The following LPXN variants were observed in gnomAD, a reference collection of about 807,000 sequenced individuals.
LPXN encodes leupaxin.
Under a neutral mutation model 45.6 loss-of-function variants are expected in LPXN, and 28 were observed. The observed-to-expected ratio is 0.61, with a 90% CI of 0.45 to 0.84. The LOEUF (loss-of-function observed/expected upper bound fraction) is 0.84, where lower values mean the gene tolerates loss of function less well. Ranked by LOEUF, LPXN falls within the 40% of genes least tolerant of loss-of-function variation. The pLI is 0.00. For synonymous variants in LPXN, 166 were observed against 169.9 expected (o/e 0.98, Z 0.18); for missense variants, 459 against 475.0 (o/e 0.97, Z 0.31).
intron 3 of LPXN, among the ~76,000 whole-genome samples, chr11:58,561,183 T>C (rs1420939733): frequency 6.6e-6 from 1 of 152,160 alleles, no homozygotes; most frequent in East Asian, 1.9e-4. Flanking sequence ...TAAAAGTAAA[T>C]GTTCTGTCTT....
At chr11:58,571,660 TTTC>T (rs1422960740) in intron 1 of LPXN, among the ~76,000 whole-genome samples, 1 of 149,494 alleles carries the variant, frequency 6.7e-6, no homozygotes, top group African/African-American at 2.5e-5. Context: ...TTCAGTTTTT[TTTC>T]TTTTTTTTTT....
chr11:58,551,290 C>A, intron 4 of LPXN, 58 bp from the exon 5 acceptor site: 1 of 1,396,092 alleles, frequency 7.2e-7, no homozygotes, highest in Non-Finnish European at 9.6e-7. Context: ...TCATTGGCAT[C>A]TTCTAATGAC....
intron 3 of LPXN, among the ~76,000 whole-genome samples, chr11:58,558,756 A>G (rs1025676568): frequency 5.9e-5 from 9 of 151,834 alleles, no homozygotes; most frequent in Non-Finnish European, 1.2e-4. Context: ...TGGATCCCCA[A>G]CACACCAAAT....
chr11:58,576,114 T>C (rs7933979), upstream of LPXN, among the ~76,000 whole-genome samples: 1 of 152,114 alleles, frequency 6.6e-6, no homozygotes, highest in African/African-American at 2.4e-5. Context: ...TTCATGGGAA[T>C]GGCAGACTTA....
chr11:58,545,475 G>C (rs112239170), intron 7 of LPXN, among the ~76,000 whole-genome samples: 35 of 152,096 alleles, frequency 2.3e-4, no homozygotes, highest in Non-Finnish European at 4.7e-4. Flanking sequence ...AATTTATTGT[G>C]ACACAATTTA....
At chr11:58,555,219 A>G (rs1185657377) in intron 3 of LPXN, among the ~76,000 whole-genome samples, 1 of 152,228 alleles carries the variant, frequency 6.6e-6, no homozygotes, top group Non-Finnish European at 1.5e-5. Context: ...AAACTAGAAT[A>G]TAGAGCAGGC....
chr11:58,575,901 T>C, upstream of LPXN: 4 of 1,560,322 alleles, frequency 2.6e-6, no homozygotes, highest in Non-Finnish European at 1.7e-6. Flanking sequence ...TTTTGGTTCC[T>C]GTATTTGCTT....
intron 3 of LPXN, among the ~76,000 whole-genome samples, chr11:58,561,172 ATAAAAG>A (rs1458718369): frequency 3.9e-5 from 6 of 152,228 alleles, no homozygotes; most frequent in Non-Finnish European, 7.3e-5. Context: ...AAAGTCATAA[ATAAAAG>A]TAAATGTTCT....
chr11:58,563,645 T>G (rs1423452964), intron 3 of LPXN, among the ~76,000 whole-genome samples: 1 of 152,228 alleles, frequency 6.6e-6, no homozygotes, highest in South Asian at 2.1e-4. Context: ...AGTAAGTGTA[T>G]CTGTTTTAAT....
chr11:58,551,217 CT>C lies in LPXN; in HGVS notation c.333del (p.Asp112MetfsTer52). 6.2e-7 allele frequency: 1 copy of C among 1,606,746 alleles called. No individual in the cohort carries two copies. The highest frequency in any genetic ancestry group is 8.5e-7 in the Non-Finnish European group (1 of 1,176,954). On this transcript the variant is annotated frameshift_variant, in exon 5 of 9. Coordinates refer to ENST00000395074, the MANE Select transcript of LPXN (RefSeq NM_004811.3). LOFTEE classifies it high-confidence loss of function. The part of the protein sequence containing the change: ...TEMQAKVAVR[A>X]DAGKKHLPDK... ...TCTGGTAAGTGCTTCTTGCCAGCAT[CT>C]GCTCTCACTGCAACCTGGCCCAAGG...
At chr11:58,541,514 G>A (rs995189960) in intron 7 of LPXN, among the ~76,000 whole-genome samples, 3 of 151,084 alleles carry the variant, frequency 2.0e-5, no homozygotes, top group African/African-American at 7.3e-5. Flanking sequence ...CAGTTAGAAT[G>A]GCAATCATTA....
chr11:58,546,079 A>G (rs927045461), intron 7 of LPXN, among the ~76,000 whole-genome samples: 1 of 152,218 alleles, frequency 6.6e-6, no homozygotes, highest in Non-Finnish European at 1.5e-5. Flanking sequence ...CCATAAGGAA[A>G]GAGAAAAAAG....
intron 7 of LPXN, among the ~76,000 whole-genome samples, chr11:58,539,120 C>T (rs918643117): frequency 6.6e-6 from 1 of 152,062 alleles, no homozygotes; most frequent in Non-Finnish European, 1.5e-5. Flanking sequence ...AAGCCCTGGG[C>T]AATGTAGTGA....
upstream of LPXN, among the ~76,000 whole-genome samples, chr11:58,577,517 G>A (rs529289552): frequency 6.6e-6 from 1 of 152,214 alleles, no homozygotes; most frequent in Non-Finnish European, 1.5e-5. Context: ...TATTTTCCAG[G>A]GGTAAAGGAT....
intron 7 of LPXN, among the ~76,000 whole-genome samples, chr11:58,542,698 T>C (rs183428639): frequency 5.9e-5 from 9 of 152,206 alleles, no homozygotes; most frequent in Non-Finnish European, 1.0e-4. Context: ...CCTAATGGAA[T>C]AATTGATAAT....
At chr11:58,552,046 G>T (rs993353762) in intron 4 of LPXN, among the ~76,000 whole-genome samples, 1 of 152,140 alleles carries the variant, frequency 6.6e-6, no homozygotes, top group Non-Finnish European at 1.5e-5. Flanking sequence ...CATGGTAAAC[G>T]CTTGGGTTTT....
chr11:58,529,856 G>C (rs1055779941), intron 7 of LPXN, among the ~76,000 whole-genome samples: 6 of 152,276 alleles, frequency 3.9e-5, no homozygotes, highest in Non-Finnish European at 5.9e-5. Context: ...CATTGAGACT[G>C]ATCGGACAGT....
chr11:58,563,002 G>A (rs1854424017), intron 3 of LPXN, among the ~76,000 whole-genome samples: 1 of 152,184 alleles, frequency 6.6e-6, no homozygotes, highest in South Asian at 2.1e-4. Flanking sequence ...CATACTATGA[G>A]GAAGAGGGTG....
intron 2 of LPXN, among the ~76,000 whole-genome samples, chr11:58,567,567 T>C (rs1391245131): frequency 6.6e-6 from 1 of 152,218 alleles, no homozygotes; most frequent in Non-Finnish European, 1.5e-5. Flanking sequence ...TGGGAAGGTG[T>C]GCTTCACAAT....
Sources: gnomAD v4.1 joint callset for allele counts (sites outside exome capture counted in the v4.1 genomes callset) on GRCh38, gnomAD v4.1.1 for gene constraint, MANE v1.5 for transcripts, NCBI Gene and HGNC (gene_info 2026-07-23, HGNC 2026-07-21) for gene names.